The following RAPGEF4 variants were observed in gnomAD, a reference collection of about 807,000 sequenced individuals.
RAPGEF4 encodes RAP guanine-nucleotide-exchange factor (GEF) 4.
A neutral mutation model predicts 147.9 loss-of-function variants in RAPGEF4; 66 were observed. The observed-to-expected ratio is 0.45, with a 90% CI of 0.37 to 0.55. The LOEUF (loss-of-function observed/expected upper bound fraction) is 0.55. Ranked by LOEUF, RAPGEF4 falls within the 20% of genes least tolerant of loss-of-function variation. The pLI, the probability that RAPGEF4 is intolerant of heterozygous loss-of-function variation, is 0.00. For synonymous variants in RAPGEF4, 419 were observed against 442.7 expected, an observed-to-expected ratio of 0.95 and a Z score of 0.67; for missense variants, 1,071 against 1,257.3, an observed-to-expected ratio of 0.85 and a Z score of 2.24.
In RAPGEF4 at chr2:172,959,930, C is replaced by G. The variant is rs142316844; in HGVS notation, c.538-830C>G. ...CATATCGAGACCTCATCTCTACAGA[C>G]AAAAATTAACCGGGTATGGTGGTGC... is the stretch of plus-strand genomic sequence containing the variant. On this transcript the variant is annotated intron_variant, in intron 6 of 30. Coordinates refer to ENST00000397081, the MANE Select transcript of RAPGEF4 (RefSeq NM_007023.4). Among the ~76,000 whole-genome samples, 529 of 152,008 alleles carry G rather than the reference C, an allele frequency of 3.5e-3. 8 individuals carry two copies. The highest frequency in any genetic ancestry group is 0.012 in the African/African-American group (498 of 41,460).
chr2:173,012,621 G>A (rs117330372), intron 17 of RAPGEF4, among the ~76,000 whole-genome samples: 5 of 152,254 alleles, frequency 3.3e-5, no homozygotes, highest in South Asian at 2.1e-4. Flanking sequence ...TATTAAATGC[G>A]GTAGCTGAAA....
chr2:172,868,158 T>G (rs1294645106), intron 4 of RAPGEF4, among the ~76,000 whole-genome samples: 1 of 152,178 alleles, frequency 6.6e-6, no homozygotes, highest in East Asian at 1.9e-4. Context: ...ATGAAGAGAT[T>G]ATTGGACCAC....
At chr2:172,801,207 A>G (rs1258610725) in intron 3 of RAPGEF4, among the ~76,000 whole-genome samples, 1 of 152,190 alleles carries the variant, frequency 6.6e-6, no homozygotes, top group Non-Finnish European at 1.5e-5. Flanking sequence ...TCCAAATTGC[A>G]TGTTCTTCTG....
chr2:172,785,910 C>G (rs1685145211), intron 1 of RAPGEF4, among the ~76,000 whole-genome samples: 1 of 152,100 alleles, frequency 6.6e-6, no homozygotes, highest in Admixed American at 6.5e-5. Flanking sequence ...ACTAAGGGGT[C>G]TACTCAGCTG....
intron 4 of RAPGEF4, among the ~76,000 whole-genome samples, chr2:172,866,066 G>A (rs894121971): frequency 6.6e-6 from 1 of 151,950 alleles, no homozygotes; most frequent in Admixed American, 6.6e-5. Context: ...TTCATCCCCA[G>A]TGGATCCTTC....
intron 1 of RAPGEF4, among the ~76,000 whole-genome samples, chr2:172,789,436 A>G (rs1049887739): frequency 9.2e-5 from 14 of 152,172 alleles, no homozygotes; most frequent in African/African-American, 3.4e-4. Flanking sequence ...TTTACAAATG[A>G]TTCTTTTTAA....
intron 22 of RAPGEF4, among the ~76,000 whole-genome samples, chr2:173,019,120 C>A (rs1695790598): frequency 6.6e-6 from 1 of 152,094 alleles, no homozygotes; most frequent in Admixed American, 6.5e-5. Flanking sequence ...AAATATGGGC[C>A]CCAAGAGGAA....
At chr2:172,875,026 T>C (rs1695725327) in intron 4 of RAPGEF4, among the ~76,000 whole-genome samples, 1 of 152,372 alleles carries the variant, frequency 6.6e-6, no homozygotes, top group South Asian at 2.1e-4. Context: ...CATGTGTCTT[T>C]TGGCTGCATA....
At chr2:173,023,134 G>A (rs542482391) in intron 23 of RAPGEF4, among the ~76,000 whole-genome samples, 75 of 152,306 alleles carry the variant, frequency 4.9e-4, no homozygotes, top group African/African-American at 1.7e-3. Context: ...GAGGGTGTGG[G>A]CACACGAGGA....
At chr2:172,809,600 A>T (rs13428282) in intron 3 of RAPGEF4, among the ~76,000 whole-genome samples, 1 of 151,984 alleles carries the variant, frequency 6.6e-6, no homozygotes, top group Non-Finnish European at 1.5e-5. Flanking sequence ...GTGGGATCAT[A>T]GCCTACTGTA....
At chr2:172,794,664 T>G (rs898082732) in intron 1 of RAPGEF4, among the ~76,000 whole-genome samples, 1 of 152,220 alleles carries the variant, frequency 6.6e-6, no homozygotes, top group Non-Finnish European at 1.5e-5. Flanking sequence ...TTTATCTCAT[T>G]GGCCCCTGCA....
At chr2:172,970,963 T>G (rs556136968) in intron 10 of RAPGEF4, among the ~76,000 whole-genome samples, 1 of 152,344 alleles carries the variant, frequency 6.6e-6, no homozygotes, top group Non-Finnish European at 1.5e-5. Context: ...GCTGTTGTTG[T>G]AGCTCTGAGA....
intron 1 of RAPGEF4, among the ~76,000 whole-genome samples, chr2:172,736,842 G>T (rs552892869): frequency 6.6e-6 from 1 of 152,318 alleles, no homozygotes; most frequent in Non-Finnish European, 1.5e-5. Flanking sequence ...AAAAGGTGAT[G>T]CATCTGAACT....
At chr2:172,959,685 G>GGA (rs374475882) in intron 6 of RAPGEF4, among the ~76,000 whole-genome samples, 2,464 of 152,278 alleles carry the variant, frequency 0.016, 62 homozygotes, top group African/African-American at 0.056. Flanking sequence ...ATCATTACCA[G>GGA]ATTATTTCAG....
intron 29 of RAPGEF4, among the ~76,000 whole-genome samples, chr2:173,045,216 G>T (rs1045799182): frequency 9.2e-5 from 14 of 152,220 alleles, no homozygotes; most frequent in Non-Finnish European, 1.9e-4. Context: ...AACTGTACGT[G>T]CACAGAGCAG....
Position 172,908,960 on chromosome 2 carries a change from A to T in RAPGEF4, c.445-8842A>T, listed in dbSNP as rs138127187. Among the ~76,000 whole-genome samples, 864 of 152,308 alleles carry T rather than the reference A, an allele frequency of 5.7e-3. 3 individuals are homozygous for T. The highest frequency in any genetic ancestry group is 8.4e-3 in the Non-Finnish European group (573 of 68,028). On this transcript the variant is annotated intron_variant, in intron 4 of 30. Coordinates refer to ENST00000397081, the MANE Select transcript of RAPGEF4 (RefSeq NM_007023.4). ...TTGAGGTTTTCTTGTCATTTGAAGA[A>T]TTGATTTCCTAACTGCCTTTAGAGG...
chr2:172,873,094 G>T (rs1171520557), intron 4 of RAPGEF4, among the ~76,000 whole-genome samples: 1 of 152,182 alleles, frequency 6.6e-6, no homozygotes, highest in African/African-American at 2.4e-5. Context: ...AGGACAGAGT[G>T]TAAATCATTG....
At chr2:173,011,170 G>GCGCGCGCGCGCACACACACA (rs564434178) in intron 17 of RAPGEF4, among the ~76,000 whole-genome samples, 20 of 133,562 alleles carry the variant, frequency 1.5e-4, no homozygotes, top group African/African-American at 5.5e-4. Context: ...GCGCGCGCGC[G>GCGCGCGCGCGCACACACACA]CACACACACA....
intron 4 of RAPGEF4, among the ~76,000 whole-genome samples, chr2:172,834,774 C>A (rs1344870458): frequency 1.3e-5 from 2 of 152,256 alleles, no homozygotes; most frequent in Admixed American, 1.3e-4. Flanking sequence ...GATTGGGTTT[C>A]AATAAAGGGA....
Sources: allele counts gnomAD v4.1 joint callset (sites outside exome capture counted in the v4.1 genomes callset), GRCh38; gene constraint gnomAD v4.1.1; transcripts MANE v1.5; gene names NCBI Gene and HGNC (gene_info 2026-07-23, HGNC 2026-07-21).